The following SNX29 variants were observed in gnomAD, a reference collection of about 807,000 sequenced individuals.
SNX29 encodes the protein sorting nexin 29.
SNX29 carries 78 observed loss-of-function variants against 102.1 expected under a neutral mutation model. The ratio of observed to expected loss-of-function variants is 0.76; its 90% confidence interval spans 0.64 to 0.92. The LOEUF (loss-of-function observed/expected upper bound fraction) is 0.92, where lower values mean the gene tolerates loss of function less well. Among genes scored for constraint, SNX29 ranks in the 40% least tolerant of loss-of-function variants. SNX29 has a pLI of 0.00. For synonymous variants in SNX29, 580 were observed against 414.5 expected (o/e 1.40, Z -4.85); for missense variants, 1,280 against 1,061.7 (o/e 1.21, Z -2.86).
At chr16:12,502,767 A>G (rs567000127) in intron 19 of SNX29, among the ~76,000 whole-genome samples, 37 of 152,228 alleles carry the variant, frequency 2.4e-4, no homozygotes, top group African/African-American at 8.7e-4. Context: ...GAGTAATGGT[A>G]CCTCCTCCTT....
At chr16:12,440,829 C>G (rs2085767699) in intron 18 of SNX29, among the ~76,000 whole-genome samples, 1 of 152,156 alleles carries the variant, frequency 6.6e-6, no homozygotes, top group Non-Finnish European at 1.5e-5. Flanking sequence ...TTTTCTTTAA[C>G]CAGCGTATCA....
intron 11 of SNX29, among the ~76,000 whole-genome samples, chr16:12,123,060 C>T (rs1365588243): frequency 6.6e-6 from 1 of 152,132 alleles, no homozygotes; most frequent in Non-Finnish European, 1.5e-5. Flanking sequence ...CTCCTGACCT[C>T]AAGTGATCTG....
intron 15 of SNX29, 107 bp from the exon 16 acceptor site, chr16:12,356,056 A>T: frequency 1.1e-6 from 1 of 945,358 alleles, no homozygotes; most frequent in Non-Finnish European, 1.6e-6. Context: ...CCAACAGCCT[A>T]CAGATGTTTT....
intron 15 of SNX29, among the ~76,000 whole-genome samples, chr16:12,315,356 G>A (rs954112101): frequency 5.9e-5 from 9 of 152,260 alleles, no homozygotes; most frequent in Non-Finnish European, 1.2e-4. Context: ...TGGATCTAAC[G>A]CCTCTGCTTC....
At chr16:12,235,963 C>T (rs111336975) in intron 14 of SNX29, among the ~76,000 whole-genome samples, 2,545 of 152,226 alleles carry the variant, frequency 0.017, 74 homozygotes, top group African/African-American at 0.059. Flanking sequence ...GTACAATTTT[C>T]TGTTTCTGTA....
intron 13 of SNX29, among the ~76,000 whole-genome samples, chr16:12,182,199 T>G (rs956744064): frequency 3.2e-4 from 48 of 151,456 alleles, no homozygotes; most frequent in African/African-American, 1.1e-3. Context: ...GTTTTTTTTT[T>G]TTTTTTTTTT....
In SNX29 at chr16:12,370,254, A is replaced by T. The variant is rs565156364; in HGVS notation, c.1899+13975A>T. ...AAACAAAACAAAAACAAAAACAAAA[A>T]ACAATCAACAACAAAAATAAAGGTG... On this transcript the variant is annotated intron_variant, in intron 16 of 20. Coordinates refer to ENST00000566228, the MANE Select transcript of SNX29 (RefSeq NM_032167.5). Among the ~76,000 whole-genome samples the T allele has an allele frequency of 5.9e-5, 9 of 151,514 alleles. 1 individual carries two copies. In the South Asian group the frequency reaches 1.9e-3, roughly 32 times the overall value.
rs1044420471 is a variant in SNX29, at chr16:12,572,606, C to T, written c.*3977C>T. On this transcript the variant is annotated 3_prime_UTR_variant, in exon 21 of 21. Coordinates refer to ENST00000566228, the MANE Select transcript of SNX29 (RefSeq NM_032167.5). The stretch of plus-strand genomic sequence containing the variant: ...TCTGGGCTCCCAGTGAGCCCCCTCC[C>T]CTCCGGCTACCCCCAGAATCCATCC... The T allele has an allele frequency of 6.6e-6, 7 of 1,063,882 alleles. No individual in the cohort carries two copies. Among genetic ancestry groups the T allele is most frequent in the African/African-American group, 1.6e-5 (1 of 60,966 alleles). 65.9% of individuals were successfully genotyped at this position (1,063,882 alleles called of 1,614,324 possible).
chr16:12,280,417 G>C (rs1455701217), intron 15 of SNX29, among the ~76,000 whole-genome samples: 2 of 152,218 alleles, frequency 1.3e-5, no homozygotes, highest in African/African-American at 2.4e-5. Flanking sequence ...CTGCCTGGCC[G>C]TTCTGGCCAG....
intron 17 of SNX29, among the ~76,000 whole-genome samples, chr16:12,400,019 T>C (rs2083879533): frequency 6.6e-6 from 1 of 152,116 alleles, no homozygotes; most frequent in Non-Finnish European, 1.5e-5. Flanking sequence ...GGCAGGTCCC[T>C]AATAGAGAGG....
At chr16:12,283,528 T>A (rs1395988767) in intron 15 of SNX29, among the ~76,000 whole-genome samples, 3 of 151,902 alleles carry the variant, frequency 2.0e-5, no homozygotes, top group Non-Finnish European at 4.4e-5. Context: ...ACCATGTTGG[T>A]CAGGATGGTC....
chr16:12,306,420 T>G (rs909895733), intron 15 of SNX29, among the ~76,000 whole-genome samples: 26 of 151,994 alleles, frequency 1.7e-4, no homozygotes, highest in African/African-American at 5.8e-4. Flanking sequence ...TGTCCTCCAG[T>G]ATAAAACGAG....
chr16:12,570,221 A>G lies in SNX29; in HGVS notation c.*1592A>G, dbSNP rs573620044. The G allele has an allele frequency of 9.4e-7, 1 of 1,064,678 alleles. No homozygotes were observed. Among genetic ancestry groups the G allele is most frequent in the South Asian group, 4.6e-5 (1 of 21,950 alleles). 66.0% of individuals were successfully genotyped at this position (1,064,678 alleles called of 1,614,324 possible). ...CTTCCAAGGGGACCTGGGGCCAGAT[A>G]AGCCCTGCCCCGGTGAGACCAAATG... On this transcript the variant is annotated 3_prime_UTR_variant, in exon 21 of 21. Coordinates refer to ENST00000566228, the MANE Select transcript of SNX29 (RefSeq NM_032167.5).
intron 9 of SNX29, among the ~76,000 whole-genome samples, chr16:12,063,795 C>A (rs966530802): frequency 7.3e-5 from 11 of 151,682 alleles, no homozygotes; most frequent in African/African-American, 2.7e-4. Flanking sequence ...AGTTGAGGTC[C>A]CCTAAAAGTG....
At chr16:12,415,408 T>G (rs2151563235) in intron 18 of SNX29, among the ~76,000 whole-genome samples, 1 of 152,350 alleles carries the variant, frequency 6.6e-6, no homozygotes, top group South Asian at 2.1e-4. Flanking sequence ...ACACACAGCA[T>G]TTCTGATGTA....
intron 9 of SNX29, among the ~76,000 whole-genome samples, chr16:12,064,308 G>C (rs1042085712): frequency 6.6e-6 from 1 of 152,174 alleles, no homozygotes; most frequent in African/African-American, 2.4e-5. Context: ...AGAACCCAGA[G>C]CTCTTCCTGC....
At chr16:12,493,825 C>G (rs552798486) in intron 19 of SNX29, among the ~76,000 whole-genome samples, 85 of 152,334 alleles carry the variant, frequency 5.6e-4, no homozygotes, top group African/African-American at 2.0e-3. Context: ...CTCCTGACCT[C>G]AGATGATCCA....
intron 15 of SNX29, among the ~76,000 whole-genome samples, chr16:12,283,248 A>G (rs2079490410): frequency 6.6e-6 from 1 of 151,840 alleles, no homozygotes; most frequent in Non-Finnish European, 1.5e-5. Context: ...AGATGAGCCA[A>G]GGAAGTTGTG....
At chr16:12,060,542 G>T (rs2050729490) in intron 8 of SNX29, among the ~76,000 whole-genome samples, 1 of 152,220 alleles carries the variant, frequency 6.6e-6, no homozygotes, top group African/African-American at 2.4e-5. Context: ...GCTCAAGGTT[G>T]CAGTGAACTA....
Sources: allele counts gnomAD v4.1 joint callset (sites outside exome capture counted in the v4.1 genomes callset), GRCh38; gene constraint gnomAD v4.1.1; transcripts MANE v1.5; gene names NCBI Gene and HGNC (gene_info 2026-07-23, HGNC 2026-07-21).